SENP7: variants seen among roughly 807,000 people sequenced by gnomAD.
The protein encoded by SENP7 is sentrin-specific protease 7.
In SENP7, 64 loss-of-function variants were observed where a neutral mutation model predicts 141.2. The ratio of observed to expected loss-of-function variants is 0.45; its 90% CI spans 0.37 to 0.56. The LOEUF is 0.56. Ranked by LOEUF, SENP7 falls within the 20% of genes least tolerant of loss-of-function variation. The pLI, the probability that SENP7 is intolerant of heterozygous loss-of-function variation, is 0.00. For missense variants in SENP7, 1,025 were observed against 1,212.2 expected, an observed-to-expected ratio of 0.85 and a Z score of 2.29; for synonymous variants, 382 against 426.4, an observed-to-expected ratio of 0.90 and a Z score of 1.28.
chr3:101,335,450 T>C (rs937334376), intron 17 of SENP7, among the ~76,000 whole-genome samples: 1 of 152,186 alleles, frequency 6.6e-6, no homozygotes, highest in African/African-American at 2.4e-5. Context: ...ATCTGATATA[T>C]CAAATTGTGT....
chr3:101,381,038 T>A (rs1419681685), intron 6 of SENP7, among the ~76,000 whole-genome samples: 1 of 152,228 alleles, frequency 6.6e-6, no homozygotes, highest in Non-Finnish European at 1.5e-5. Flanking sequence ...GTAACCTGAA[T>A]CATTTTTCTA....
chr3:101,427,398 G>T (rs527266327), intron 4 of SENP7, among the ~76,000 whole-genome samples: 1 of 149,898 alleles, frequency 6.7e-6, no homozygotes, highest in Non-Finnish European at 1.5e-5. Context: ...GCTAAAGCAC[G>T]AGAATTGCTT....
intron 6 of SENP7, among the ~76,000 whole-genome samples, chr3:101,377,520 C>T (rs972713104): frequency 1.5e-4 from 23 of 152,124 alleles, no homozygotes; most frequent in African/African-American, 5.3e-4. Flanking sequence ...AGTTTTATCT[C>T]CAGGAGTTCA....
At chr3:101,448,845 T>C (rs2063001407) in intron 4 of SENP7, among the ~76,000 whole-genome samples, 1 of 152,046 alleles carries the variant, frequency 6.6e-6, no homozygotes, top group Non-Finnish European at 1.5e-5. Context: ...GAACGCAGCT[T>C]CTCACCAGCA....
chr3:101,463,364 AATATATATATATATAT>A lies in SENP7; in HGVS notation c.187-4328_187-4313del, dbSNP rs71625265. Among the ~76,000 whole-genome samples, 163 of 89,222 alleles carry A rather than the reference AATATATATATATATAT, an allele frequency of 1.8e-3. 3 individuals carry two copies. The East Asian group carries it at 0.027, about 15-fold the overall frequency. The allele number at this position is 89,222 out of a possible 152,430, so 58.5% of individuals were successfully genotyped here. Reference sequence around the variant, plus strand: ...ACCATGTATCATAAATAAATAAATAAATATATATATATATATATATATATATATATATACATATATA... The same window carrying A: ...ACCATGTATCATAAATAAATAAATAAATATATATATATATATACATATATA... On this transcript the variant is annotated intron_variant, in intron 3 of 23. Coordinates refer to ENST00000394095, the MANE Select transcript of SENP7 (RefSeq NM_020654.5).
chr3:101,337,531 T>C lies in SENP7; in HGVS notation c.2458A>G (p.Thr820Ala). 6.5e-7 allele frequency: 1 copy of C among 1,549,780 alleles called. No homozygotes were observed. Among genetic ancestry groups the C allele is most frequent in the African/African-American group, 1.4e-5 (1 of 73,260 alleles). ...KCLTRKENNL[T>A]EDNPNLSMAQ... is the part of the protein sequence containing the mutation. ...TACGAAAGATTTGGATTATCTTCTGTTAAATTATTTTCCTTTCTTGTCAAG... is the reference window on the plus strand; with the variant it reads ...TACGAAAGATTTGGATTATCTTCTGCTAAATTATTTTCCTTTCTTGTCAAG... Residue 820 changes from threonine to alanine, a missense_variant, in exon 17 of 24, where the codon ACA (threonine) becomes GCA (alanine). Around this residue, in one of 4 missense-constraint regions of SENP7, gnomAD observed 295 missense variants for 459.1 expected, o/e 0.64. Coordinates refer to ENST00000394095, the MANE Select transcript of SENP7 (RefSeq NM_020654.5).
chr3:101,373,011 C>T (rs965197868), intron 6 of SENP7, among the ~76,000 whole-genome samples: 16 of 151,650 alleles, frequency 1.1e-4, no homozygotes, highest in Non-Finnish European at 2.2e-4. Context: ...AAAACAAGGA[C>T]TATAAAGACC....
intron 15 of SENP7, among the ~76,000 whole-genome samples, chr3:101,340,878 C>T (rs2059309803): frequency 6.6e-6 from 1 of 152,070 alleles, no homozygotes; most frequent in Admixed American, 6.6e-5. Context: ...GAAATAAGAC[C>T]AGTTGTGAAT....
intron 2 of SENP7, among the ~76,000 whole-genome samples, chr3:101,495,867 C>T (rs2065140479): frequency 2.0e-5 from 3 of 152,186 alleles, no homozygotes; most frequent in African/African-American, 4.8e-5. Context: ...TGATCCTACA[C>T]ATCCTGCAAG....
intron 1 of SENP7, among the ~76,000 whole-genome samples, chr3:101,506,098 G>A (rs1172959452): frequency 2.8e-5 from 4 of 144,852 alleles, no homozygotes; most frequent in African/African-American, 1.0e-4. Flanking sequence ...TCGGCTCACT[G>A]CAACCTCCAC....
rs777066121 is a variant in SENP7 at position 101,361,696 on chromosome 3, T to C, written c.1623+19A>G. ...GTCCAAGATCCAAACTAAAAGAAAA[T>C]TAAAGAAAATATACTTACTGTAACA... On this transcript the variant is annotated intron_variant, in intron 11 of 23. Coordinates refer to ENST00000394095, the MANE Select transcript of SENP7 (RefSeq NM_020654.5). 16 of 1,510,770 alleles carry C rather than the reference T, an allele frequency of 1.1e-5. No homozygotes were observed. Among genetic ancestry groups the C allele is most frequent in the South Asian group, 5.6e-5 (4 of 71,316 alleles). 93.6% of individuals were successfully genotyped at this position (1,510,770 alleles called of 1,614,324 possible). A position where few individuals can be genotyped will look rare whatever the true frequency, so the allele number is the denominator to read the frequency against.
chr3:101,329,487 A>T (rs570926565), intron 20 of SENP7, among the ~76,000 whole-genome samples: 34 of 146,116 alleles, frequency 2.3e-4, no homozygotes, highest in African/African-American at 7.9e-4. Context: ...TGTACATATA[A>T]AAAAAAAAAA....
chr3:101,462,816 C>T lies in SENP7; in HGVS notation c.187-3764G>A, dbSNP rs530150439. 6.6e-5 allele frequency among the ~76,000 whole-genome samples: 10 copies of T among 151,150 alleles called. No individual in the cohort carries two copies. In the South Asian group the frequency reaches 2.1e-3, roughly 32 times the overall value. On this transcript the variant is annotated intron_variant, in intron 3 of 23. Transcript: ENST00000394095. ...CCAGGAGGCAGAGGTTGCAGTGAGCCGAGATCATGCCACTGCACTCCAGTC... is the reference window on the plus strand; with the variant it reads ...CCAGGAGGCAGAGGTTGCAGTGAGCTGAGATCATGCCACTGCACTCCAGTC...
chr3:101,347,835 A>C (rs2059508349), intron 13 of SENP7, 37 bp downstream of exon 13: 1 of 1,073,318 alleles, frequency 9.3e-7, no homozygotes, highest in African/African-American at 1.6e-5. Context: ...TGACAATTTC[A>C]AGTTATCCTG....
At chr3:101,498,501 T>C in intron 2 of SENP7, among the ~76,000 whole-genome samples, 1 of 152,160 alleles carries the variant, frequency 6.6e-6, no homozygotes, top group Non-Finnish European at 1.5e-5. Flanking sequence ...AAGTGAGAGA[T>C]ATTCTACAAA....
At chr3:101,431,508 CTTTTTTT>C (rs56937965) in intron 4 of SENP7, among the ~76,000 whole-genome samples, 1 of 82,908 alleles carries the variant, frequency 1.2e-5, no homozygotes, top group Non-Finnish European at 2.2e-5. Flanking sequence ...GCAACCCCTG[CTTTTTTT>C]TTTTTTTTTT....
Position 101,458,647 on chromosome 3 carries a change from A to C in SENP7, c.284+308T>G, listed in dbSNP as rs114741594. 369 of 174,128 alleles carry C rather than the reference A, an allele frequency of 2.1e-3. 1 individual carries two copies. Among genetic ancestry groups the C allele is most frequent in the African/African-American group, 8.2e-3 (345 of 42,302 alleles). The allele number at this position is 174,128 out of a possible 1,614,324, so 10.8% of individuals were successfully genotyped here. A position where few individuals can be genotyped will look rare whatever the true frequency, so the allele number is the denominator to read the frequency against. ...CTTTAAAAAATAAAAAAGAAGAAGCAGCAGAAATGGAACACCCTTTCTCAC... is the reference window on the plus strand; with the variant it reads ...CTTTAAAAAATAAAAAAGAAGAAGCCGCAGAAATGGAACACCCTTTCTCAC... On this transcript the variant is annotated intron_variant, in intron 4 of 23. Coordinates refer to ENST00000394095, the MANE Select transcript of SENP7 (RefSeq NM_020654.5).
chr3:101,335,332 G>A (rs966585376), intron 17 of SENP7, among the ~76,000 whole-genome samples: 5 of 152,160 alleles, frequency 3.3e-5, no homozygotes, highest in Non-Finnish European at 7.4e-5. Flanking sequence ...CTAGTAGTTA[G>A]AGCCTTTTGA....
intron 11 of SENP7, among the ~76,000 whole-genome samples, chr3:101,354,808 C>T (rs1205992016): frequency 6.6e-6 from 1 of 152,052 alleles, no homozygotes; most frequent in Non-Finnish European, 1.5e-5. Flanking sequence ...TTTGAGGGAT[C>T]GCCACATTAC....
Sources: gnomAD v4.1 joint callset for allele counts (sites outside exome capture counted in the v4.1 genomes callset) on GRCh38, gnomAD v4.1.1 for gene constraint, gnomAD v4.1.1 regional missense constraint, MANE v1.5 for transcripts, NCBI Gene and HGNC (gene_info 2026-07-23, HGNC 2026-07-21) for gene names.